DAPK1: variants seen among roughly 807,000 people sequenced by gnomAD.
DAPK1 encodes the protein death-associated protein kinase 1.
DAPK1 carries 56 observed loss-of-function variants against 144.9 expected under a neutral mutation model. That is an observed-to-expected ratio of 0.39 (90% confidence interval 0.31 to 0.48). The LOEUF (loss-of-function observed/expected upper bound fraction) is 0.48. Ranked by LOEUF, DAPK1 falls within the 20% of genes least tolerant of loss-of-function variation. The pLI is 0.95. For synonymous variants in DAPK1, 690 were observed against 749.0 expected, an observed-to-expected ratio of 0.92 and a Z score of 1.29; for missense variants, 1,454 against 1,875.4, an observed-to-expected ratio of 0.78 and a Z score of 4.15.
chr9:87,683,705 G>A (rs1388045418), intron 20 of DAPK1, among the ~76,000 whole-genome samples: 3 of 152,192 alleles, frequency 2.0e-5, no homozygotes, highest in Non-Finnish European at 4.4e-5. Context: ...GCAGGTTCCT[G>A]GTGAAGGGTG....
intron 10 of DAPK1, among the ~76,000 whole-genome samples, 189 bp from the exon 11 acceptor site, chr9:87,643,187 C>T (rs553001817): frequency 6.6e-6 from 1 of 152,154 alleles, no homozygotes; most frequent in African/African-American, 2.4e-5. Context: ...ATTCTTTAAG[C>T]AAATACAACC....
intron 19 of DAPK1, among the ~76,000 whole-genome samples, chr9:87,675,876 CA>C (rs1824353558): frequency 6.6e-6 from 1 of 151,412 alleles, no homozygotes; most frequent in African/African-American, 2.4e-5. Flanking sequence ...CACACACACA[CA>C]CACACACACA....
chr9:87,698,557 C>T (rs36218781), intron 22 of DAPK1, 99 bp from the exon 23 acceptor site: 20 of 730,372 alleles, frequency 2.7e-5, no homozygotes, highest in African/African-American at 5.2e-5. Flanking sequence ...CCTGGAGAGT[C>T]GGCCTGGGCA....
Position 87,575,213 on chromosome 9 carries a change from C to CAATAAAATAAAATAAAATAA in DAPK1, c.63-29699_63-29680dup, listed in dbSNP as rs10522915. Reference sequence around the variant, plus strand: ...CCAGTCTGGGCAACAGACTCCATCTCAATAAAATAAAATAAAATAAAATAA... The same window carrying CAATAAAATAAAATAAAATAA: ...CCAGTCTGGGCAACAGACTCCATCTCAATAAAATAAAATAAAATAAAATAAAATAAAATAAAATAAAATAA... On this transcript the variant is annotated intron_variant, in intron 2 of 25. Coordinates refer to ENST00000408954, the MANE Select transcript of DAPK1 (RefSeq NM_004938.4). 8.3e-3 allele frequency among the ~76,000 whole-genome samples: 1,094 copies of CAATAAAATAAAATAAAATAA among 131,368 alleles called. 14 individuals carry two copies. The highest frequency in any genetic ancestry group is 0.014 in the Non-Finnish European group (817 of 60,344). 86.2% of individuals were successfully genotyped at this position (131,368 alleles called of 152,430 possible). A position where few individuals can be genotyped will look rare whatever the true frequency, so the allele number is the denominator to read the frequency against.
rs36228631 is a variant in DAPK1 at position 87,509,921 on chromosome 9, C to T, written c.62+10782C>T. ...TTGCCATTCATGGAGGCAGTGGCAC[C>T]AGTGAGCTCACGGCCAGGCCGCTTT... On this transcript the variant is annotated intron_variant, in intron 2 of 25. Transcript: ENST00000408954. Among the ~76,000 whole-genome samples, 1,062 of 152,308 alleles carry T rather than the reference C, an allele frequency of 7.0e-3. 8 individuals are homozygous for T. The highest frequency in any genetic ancestry group is 0.025 in the African/African-American group (1,019 of 41,566).
chr9:87,524,313 A>G (rs1280241321), intron 2 of DAPK1, among the ~76,000 whole-genome samples: 1 of 152,220 alleles, frequency 6.6e-6, no homozygotes, highest in Non-Finnish European at 1.5e-5. Flanking sequence ...CCTGAGAGTC[A>G]GGGAGCACCT....
chr9:87,685,629 C>CG (rs1191736619), intron 20 of DAPK1, among the ~76,000 whole-genome samples: 1 of 152,202 alleles, frequency 6.6e-6, no homozygotes, highest in Non-Finnish European at 1.5e-5. Context: ...CAGTGAGTAA[C>CG]TGAGACAGTG....
At chr9:87,695,897 A>G (rs547941075) in intron 21 of DAPK1, among the ~76,000 whole-genome samples, 3 of 152,238 alleles carry the variant, frequency 2.0e-5, no homozygotes, top group Admixed American at 6.5e-5. Context: ...TTAATCCTCT[A>G]TGGGACTTTG....
At chr9:87,583,251 A>C (rs1827817044) in intron 2 of DAPK1, among the ~76,000 whole-genome samples, 1 of 152,066 alleles carries the variant, frequency 6.6e-6, no homozygotes, top group South Asian at 2.1e-4. Flanking sequence ...CCATGATACT[A>C]TGCCTGACAC....
At chr9:87,594,389 G>A (rs1420437678) in intron 2 of DAPK1, among the ~76,000 whole-genome samples, 1 of 152,214 alleles carries the variant, frequency 6.6e-6, no homozygotes, top group Non-Finnish European at 1.5e-5. Flanking sequence ...GGTCCCTGCT[G>A]ACTCTGCACA....
intron 18 of DAPK1, among the ~76,000 whole-genome samples, chr9:87,660,756 G>T (rs1294437882): frequency 1.3e-5 from 2 of 152,166 alleles, no homozygotes. Flanking sequence ...TGTCTCAGTT[G>T]TTTCACTTAG....
intron 24 of DAPK1, chr9:87,701,947 G>A (rs1825470376): frequency 2.2e-6 from 1 of 459,142 alleles, no homozygotes; most frequent in East Asian, 7.0e-5. Flanking sequence ...GAAACCAGGG[G>A]CGGTGATCTG....
chr9:87,703,431 T>C (rs1825526184), intron 25 of DAPK1, among the ~76,000 whole-genome samples: 1 of 151,748 alleles, frequency 6.6e-6, no homozygotes, highest in Non-Finnish European at 1.5e-5. Context: ...CATTTTGTCT[T>C]GTCGTGTTTT....
chr9:87,647,201 G>A, intron 13 of DAPK1, 104 bp from the exon 14 acceptor site: 4 of 920,258 alleles, frequency 4.3e-6, no homozygotes, highest in East Asian at 4.8e-5. Context: ...CTCCTCTGGG[G>A]TTTGTCATCA....
chr9:87,607,168 T>C (rs1828762004), intron 3 of DAPK1, among the ~76,000 whole-genome samples: 1 of 152,048 alleles, frequency 6.6e-6, no homozygotes, highest in Non-Finnish European at 1.5e-5. Context: ...CAAATCATGG[T>C]GTAATCCTCA....
At chr9:87,595,514 C>G (rs1828282599) in intron 2 of DAPK1, among the ~76,000 whole-genome samples, 1 of 152,196 alleles carries the variant, frequency 6.6e-6, no homozygotes, top group South Asian at 2.1e-4. Context: ...CTCAGCCGCT[C>G]TGGTTTGTAA....
At chr9:87,518,373 C>T (rs1825164294) in intron 2 of DAPK1, among the ~76,000 whole-genome samples, 1 of 151,608 alleles carries the variant, frequency 6.6e-6, no homozygotes, top group Admixed American at 6.6e-5. Flanking sequence ...GGTGATCCAC[C>T]CACCTCAGCC....
At chr9:87,537,878 C>T (rs1338473992) in intron 2 of DAPK1, among the ~76,000 whole-genome samples, 4 of 152,130 alleles carry the variant, frequency 2.6e-5, no homozygotes, top group Middle Eastern at 6.8e-3. Context: ...TAGCAGGGCC[C>T]GAGGCAAGCG....
chr9:87,706,764 G>A lies in DAPK1; in HGVS notation c.3693G>A (p.Leu1231=). Residue 1231 remains leucine (L), a synonymous_variant, in exon 26 of 26, where the codon CTG becomes CTA. Transcript: ENST00000408954. This position sits in a 1 kb window ranked among gnomAD's most constrained non-coding sequence, Gnocchi z 9.0. ...NVMATTLPGL[L]TVKHYLSPQQ... The stretch of plus-strand genomic sequence containing the variant: ...TGGCCACCACGCTGCCAGGGCTCCT[G>A]ACCGTGAAGCATTACCTGAGCCCCC... 6.2e-7 allele frequency: 1 copy of A among 1,613,576 alleles called. No homozygotes were observed. Among genetic ancestry groups the A allele is most frequent in the Non-Finnish European group, 8.5e-7 (1 of 1,179,938 alleles).
Sources: allele counts gnomAD v4.1 joint callset (sites outside exome capture counted in the v4.1 genomes callset), GRCh38; gene constraint gnomAD v4.1.1; non-coding constraint Gnocchi (gnomAD v3.1); transcripts MANE v1.5; gene names NCBI Gene and HGNC (gene_info 2026-07-23, HGNC 2026-07-21).